The following EEFSEC variants were observed in gnomAD, a reference collection of about 807,000 sequenced individuals.
EEFSEC encodes the protein eukaryotic elongation factor, selenocysteine-tRNA specific, also known as selenocysteine-specific elongation factor.
In EEFSEC, 43 loss-of-function variants were observed where a neutral mutation model predicts 42.1. The ratio of observed to expected loss-of-function variants is 1.02; its 90% CI spans 0.80 to 1.32. The LOEUF is 1.32. EEFSEC is among the 40% of genes most tolerant of loss of function. EEFSEC has a pLI of 0.00. For missense variants in EEFSEC, 745 were observed against 803.6 expected (o/e 0.93, Z 0.88); for synonymous variants, 354 against 339.1 (o/e 1.04, Z -0.48).
intron 6 of EEFSEC, among the ~76,000 whole-genome samples, chr3:128,388,846 C>G (rs759908435): frequency 6.6e-6 from 1 of 152,212 alleles, no homozygotes; most frequent in South Asian, 2.1e-4. Flanking sequence ...GCCTTCCTGA[C>G]TAGAGGTAGA....
At chr3:128,391,950 G>A (rs1017086121) in intron 6 of EEFSEC, among the ~76,000 whole-genome samples, 4 of 152,234 alleles carry the variant, frequency 2.6e-5, no homozygotes, top group African/African-American at 7.2e-5. Flanking sequence ...GAGTCTGCAA[G>A]CGCTTCCAGA....
At chr3:128,403,025 A>C (rs2068066056) in intron 6 of EEFSEC, among the ~76,000 whole-genome samples, 1 of 152,136 alleles carries the variant, frequency 6.6e-6, no homozygotes, top group African/African-American at 2.4e-5. Context: ...TATAGGAAAA[A>C]TAGTGGGGTG....
chr3:128,205,869 T>C (rs904077749), intron 1 of EEFSEC, among the ~76,000 whole-genome samples: 1 of 152,208 alleles, frequency 6.6e-6, no homozygotes, highest in African/African-American at 2.4e-5. Flanking sequence ...CTTTAGTGCA[T>C]TACAATTATA....
chr3:128,194,556 C>T (rs1263679163), intron 1 of EEFSEC, among the ~76,000 whole-genome samples: 1 of 152,176 alleles, frequency 6.6e-6, no homozygotes, highest in East Asian at 1.9e-4. Context: ...ATTCCTCTTT[C>T]AGGGAATAAT....
intron 1 of EEFSEC, among the ~76,000 whole-genome samples, chr3:128,177,916 A>G (rs1375467164): frequency 6.6e-6 from 1 of 152,242 alleles, no homozygotes; most frequent in Non-Finnish European, 1.5e-5. Flanking sequence ...AACCATAGCC[A>G]TAAAGAATGA....
At chr3:128,330,751 GCTTCCTCAGTGCATCTCCCCTCTTCCCC>G (rs2067118635) in intron 4 of EEFSEC, among the ~76,000 whole-genome samples, 3 of 112,776 alleles carry the variant, frequency 2.7e-5, no homozygotes, top group African/African-American at 6.7e-5. Flanking sequence ...CCTCTTCCCC[GCTTCCTCAGTGCATCTCCCCTCTTCCCC>G]CTTCCTCAGT....
intron 4 of EEFSEC, among the ~76,000 whole-genome samples, chr3:128,333,614 C>G (rs768614235): frequency 3.9e-5 from 6 of 152,198 alleles, no homozygotes; most frequent in African/African-American, 9.7e-5. Context: ...TTTTCCCCAT[C>G]ATAGGTATCC....
chr3:128,218,667 C>A (rs533343123), intron 1 of EEFSEC, among the ~76,000 whole-genome samples: 1 of 152,096 alleles, frequency 6.6e-6, no homozygotes, highest in African/African-American at 2.4e-5. Context: ...AAGTGTGCTG[C>A]GTGTGTCAGG....
intron 5 of EEFSEC, among the ~76,000 whole-genome samples, chr3:128,356,288 G>A (rs532259101): frequency 1.3e-5 from 2 of 152,268 alleles, no homozygotes; most frequent in South Asian, 4.2e-4. Context: ...CTTAGTCCAG[G>A]GACTGTGCCT....
intron 3 of EEFSEC, among the ~76,000 whole-genome samples, chr3:128,263,517 A>G (rs1257430115): frequency 1.3e-5 from 2 of 152,194 alleles, no homozygotes; most frequent in Non-Finnish European, 2.9e-5. Flanking sequence ...GGAGCCTGGG[A>G]TAGTTGTTTT....
At chr3:128,403,685 G>A (rs2068074792) in intron 6 of EEFSEC, among the ~76,000 whole-genome samples, 2 of 132,680 alleles carry the variant, frequency 1.5e-5, no homozygotes, top group South Asian at 2.4e-4. Flanking sequence ...TGCCCTCAGC[G>A]CCTCTCGCAT....
chr3:128,225,254 CAG>C (rs2065897127), intron 1 of EEFSEC, among the ~76,000 whole-genome samples: 1 of 152,040 alleles, frequency 6.6e-6, no homozygotes, highest in African/African-American at 2.4e-5. Flanking sequence ...TTCTGGAAGA[CAG>C]GGCTGGATGC....
intron 1 of EEFSEC, among the ~76,000 whole-genome samples, chr3:128,242,553 A>T (rs9843281): frequency 0.58 from 87,458 of 151,912 alleles, 27,877 homozygotes; most frequent in Non-Finnish European, 0.73. Flanking sequence ...TATAATGTTA[A>T]GTTTCTCCAG....
At chr3:128,289,250 A>G (rs980554890) in intron 4 of EEFSEC, among the ~76,000 whole-genome samples, 1 of 152,172 alleles carries the variant, frequency 6.6e-6, no homozygotes, top group Admixed American at 6.5e-5. Context: ...TTCCAAATAT[A>G]GGTTCCCCAC....
At chr3:128,180,341 A>C (rs1428972689) in intron 1 of EEFSEC, among the ~76,000 whole-genome samples, 1 of 152,120 alleles carries the variant, frequency 6.6e-6, no homozygotes, top group African/African-American at 2.4e-5. Flanking sequence ...TGGCCAGGGG[A>C]ACAGCTATTC....
At chr3:128,335,738 G>A (rs747723249) in intron 4 of EEFSEC, among the ~76,000 whole-genome samples, 8 of 152,122 alleles carry the variant, frequency 5.3e-5, no homozygotes, top group South Asian at 2.1e-4. Context: ...AACAGGCTGC[G>A]GGGGAGGGGG....
At chr3:128,419,898 C>T in the EEFSEC span, among the ~76,000 whole-genome samples, 1 of 152,180 alleles carries the variant, frequency 6.6e-6, no homozygotes, top group African/African-American at 2.4e-5. Context: ...TCAGACACCC[C>T]CATGGGGTTT....
At chr3:128,269,318 CA>C (rs1174506590) in intron 4 of EEFSEC, among the ~76,000 whole-genome samples, 4 of 152,270 alleles carry the variant, frequency 2.6e-5, no homozygotes, top group Admixed American at 6.5e-5. Flanking sequence ...GGCCCCATGG[CA>C]GTTCTGTGGC....
At chr3:128,354,009 C>T (rs1285832530) in intron 5 of EEFSEC, among the ~76,000 whole-genome samples, 1 of 152,100 alleles carries the variant, frequency 6.6e-6, no homozygotes, top group Non-Finnish European at 1.5e-5. Context: ...CTGCTCCAGC[C>T]TCCCCTCCCC....
Sources: gnomAD v4.1 joint callset for allele counts (sites outside exome capture counted in the v4.1 genomes callset) on GRCh38, gnomAD v4.1.1 for gene constraint, MANE v1.5 for transcripts, NCBI Gene and HGNC (gene_info 2026-07-23, HGNC 2026-07-21) for gene names.